LRRC7: variants seen among roughly 807,000 people sequenced by gnomAD.
The protein encoded by LRRC7 is leucine rich repeat containing 7.
In LRRC7, 23 loss-of-function variants were observed where a neutral mutation model predicts 175.7. The observed-to-expected ratio is 0.13, with a 90% CI of 0.09 to 0.19. The LOEUF (loss-of-function observed/expected upper bound fraction) is 0.19. Among genes scored for constraint, LRRC7 ranks in the 10% least tolerant of loss-of-function variants. The probability of loss-of-function intolerance (pLI) is 1.00; values close to 1 mark genes in which losing one functional copy is unlikely to be tolerated. For missense variants in LRRC7, 1,354 were observed against 1,904.7 expected (o/e 0.71, Z 5.38); for synonymous variants, 685 against 680.9 (o/e 1.01, Z -0.09).
intron 21 of LRRC7, among the ~76,000 whole-genome samples, chr1:70,041,127 T>C (rs1372399700): frequency 6.6e-6 from 1 of 152,202 alleles, no homozygotes; most frequent in Non-Finnish European, 1.5e-5. Context: ...GGGATCTGGG[T>C]AATAATATAC....
intron 4 of LRRC7, among the ~76,000 whole-genome samples, chr1:69,803,688 T>G (rs960039736): frequency 1.3e-5 from 2 of 151,436 alleles, no homozygotes; most frequent in African/African-American, 4.8e-5. Flanking sequence ...TGTGACAATA[T>G]CCTTTCTTTC....
chr1:69,923,979 A>G (rs1159170865), intron 7 of LRRC7, among the ~76,000 whole-genome samples: 4 of 152,024 alleles, frequency 2.6e-5, no homozygotes, highest in East Asian at 3.9e-4. Context: ...TAATTTTTGT[A>G]TAAGGTGTAA....
chr1:69,903,863 A>C (rs1268030365), intron 7 of LRRC7, among the ~76,000 whole-genome samples: 1 of 152,232 alleles, frequency 6.6e-6, no homozygotes. Flanking sequence ...CCATCAGAGA[A>C]TACTATAAAC....
chr1:69,607,705 A>AT (rs372250552), intron 1 of LRRC7: 10 of 152,026 alleles, frequency 6.6e-5, no homozygotes, highest in Non-Finnish European at 1.5e-4. Flanking sequence ...AGCAAATCTA[A>AT]TTTTTTTCCC....
chr1:70,051,613 A>G (rs939266568), intron 22 of LRRC7, among the ~76,000 whole-genome samples: 1 of 151,926 alleles, frequency 6.6e-6, no homozygotes, highest in Non-Finnish European at 1.5e-5. Flanking sequence ...AACACACACC[A>G]ATTCATTCCT....
At chr1:70,111,177 C>G (rs1304291073) in intron 26 of LRRC7, among the ~76,000 whole-genome samples, 2 of 152,214 alleles carry the variant, frequency 1.3e-5, no homozygotes, top group African/African-American at 4.8e-5. Context: ...CCTAATCCCT[C>G]TTCCCAAACC....
chr1:69,937,575 A>G (rs1648176042), intron 8 of LRRC7, among the ~76,000 whole-genome samples: 1 of 151,958 alleles, frequency 6.6e-6, no homozygotes, highest in Non-Finnish European at 1.5e-5. Context: ...AAAAATCTGT[A>G]CTCATTAGTG....
At chr1:69,987,542 C>G (rs532559404) in intron 10 of LRRC7, among the ~76,000 whole-genome samples, 1 of 152,196 alleles carries the variant, frequency 6.6e-6, no homozygotes, top group Non-Finnish European at 1.5e-5. Flanking sequence ...TCCAAGCCAA[C>G]TTGTGACTTG....
chr1:69,713,813 A>G (rs1665048836), intron 2 of LRRC7, among the ~76,000 whole-genome samples: 1 of 151,808 alleles, frequency 6.6e-6, no homozygotes, highest in African/African-American at 2.4e-5. Context: ...TAACATTAAT[A>G]CAGACTTTTG....
At chr1:70,061,918 A>G (rs1019006652) in intron 23 of LRRC7, among the ~76,000 whole-genome samples, 5 of 152,180 alleles carry the variant, frequency 3.3e-5, no homozygotes, top group Non-Finnish European at 5.9e-5. Context: ...AGTAGTTACA[A>G]TCATGCCGGT....
intron 13 of LRRC7, chr1:70,014,234 T>C (rs997168128): frequency 6.6e-5 from 10 of 151,998 alleles, no homozygotes; most frequent in African/African-American, 2.4e-4. Flanking sequence ...ATAAATAAGA[T>C]TAGGAAATTC....
At position 70,126,902 on chromosome 1, in the gene LRRC7, C is replaced by A. The variant is rs778502831; in HGVS notation, c.*5015C>A. 6.6e-6 allele frequency among the ~76,000 whole-genome samples: 1 copy of A among 152,162 alleles called. No individual in the cohort carries two copies. Among genetic ancestry groups the A allele is most frequent in the African/African-American group, 2.4e-5 (1 of 41,428 alleles). Reference sequence around the variant, plus strand: ...ATTGCTGCAGTTGCTGCTATAGATCCGTCCCTCCAACTCCCCATGTTTTTC... The same window carrying A: ...ATTGCTGCAGTTGCTGCTATAGATCAGTCCCTCCAACTCCCCATGTTTTTC... On this transcript the variant is annotated 3_prime_UTR_variant, in exon 27 of 27. Coordinates refer to ENST00000651989, the MANE Select transcript of LRRC7 (RefSeq NM_001370785.2).
intron 4 of LRRC7, among the ~76,000 whole-genome samples, chr1:69,820,788 A>C (rs1323846014): frequency 2.6e-5 from 4 of 152,108 alleles, no homozygotes; most frequent in Non-Finnish European, 5.9e-5. Flanking sequence ...TGGTTCCAAG[A>C]CTTTGCTATT....
intron 18 of LRRC7, among the ~76,000 whole-genome samples, chr1:70,029,292 G>A (rs1377940036): frequency 2.0e-5 from 3 of 152,092 alleles, no homozygotes; most frequent in South Asian, 4.1e-4. Context: ...TGATCACATG[G>A]TTAGTTGAGT....
At chr1:69,879,254 AAT>A (rs1686357133) in intron 7 of LRRC7, among the ~76,000 whole-genome samples, 2 of 149,062 alleles carry the variant, frequency 1.3e-5, no homozygotes, top group Non-Finnish European at 3.0e-5. Context: ...CACTGGCCAG[AAT>A]ATGCCTGCCA....
intron 22 of LRRC7, among the ~76,000 whole-genome samples, chr1:70,048,017 C>T (rs1298777707): frequency 6.6e-6 from 1 of 151,698 alleles, no homozygotes; most frequent in Non-Finnish European, 1.5e-5. Flanking sequence ...CATTTATTTA[C>T]TGCCTTTCCA....
At chr1:69,574,753 A>G (rs1645875964) in intron 1 of LRRC7, among the ~76,000 whole-genome samples, 1 of 152,154 alleles carries the variant, frequency 6.6e-6, no homozygotes, top group Non-Finnish European at 1.5e-5. Context: ...TGTTGGATGG[A>G]AATATACCTT....
intron 8 of LRRC7, among the ~76,000 whole-genome samples, chr1:69,942,032 G>A (rs1382948733): frequency 2.6e-5 from 4 of 151,942 alleles, no homozygotes; most frequent in Non-Finnish European, 5.9e-5. Flanking sequence ...CACCACCTAC[G>A]TACTTATAGT....
At chr1:69,606,060 A>G (rs1647505647) in intron 1 of LRRC7, among the ~76,000 whole-genome samples, 1 of 152,186 alleles carries the variant, frequency 6.6e-6, no homozygotes. Context: ...AAGTGCGTAT[A>G]TGTTTATACA....
Sources: allele counts gnomAD v4.1 joint callset (sites outside exome capture counted in the v4.1 genomes callset), GRCh38; gene constraint gnomAD v4.1.1; transcripts MANE v1.5; gene names NCBI Gene and HGNC (gene_info 2026-07-23, HGNC 2026-07-21).